Variants in C3orf20 observed in about 807,000 individuals in gnomAD.
The protein encoded by C3orf20 is uncharacterized protein C3orf20.
In C3orf20, 76 loss-of-function variants were observed where a neutral mutation model predicts 88.3. The ratio of observed to expected loss-of-function variants is 0.86; its 90% CI spans 0.72 to 1.04. The LOEUF (loss-of-function observed/expected upper bound fraction) is 1.04, where lower values mean the gene tolerates loss of function less well. Among genes scored for constraint, C3orf20 ranks in the 50% least tolerant of loss-of-function variants. The probability of loss-of-function intolerance (pLI) is 0.00; values close to 1 mark genes in which losing one functional copy is unlikely to be tolerated. For synonymous variants in C3orf20, 436 were observed against 437.4 expected (o/e 1.00, Z 0.04); for missense variants, 1,056 against 1,123.3 (o/e 0.94, Z 0.86).
chr3:14,676,114 G>A (rs868521933), intron 1 of C3orf20, among the ~76,000 whole-genome samples: 28 of 108,442 alleles, frequency 2.6e-4, no homozygotes, highest in African/African-American at 8.6e-4. Context: ...CCTCCCCCCC[G>A]CCTTTTTTTT....
intron 9 of C3orf20, among the ~76,000 whole-genome samples, chr3:14,718,449 T>C (rs1422626204): frequency 6.6e-6 from 1 of 152,258 alleles, no homozygotes; most frequent in Admixed American, 6.5e-5. Context: ...TTCTTACAAG[T>C]ACATTTTCCC....
intron 7 of C3orf20, among the ~76,000 whole-genome samples, chr3:14,705,101 A>G (rs971093541): frequency 1.3e-5 from 2 of 152,200 alleles, no homozygotes; most frequent in East Asian, 1.9e-4. Context: ...CAAATGCGCT[A>G]TCTCCTGGGC....
intron 4 of C3orf20, among the ~76,000 whole-genome samples, chr3:14,685,002 A>G (rs939922323): frequency 6.6e-6 from 1 of 152,264 alleles, no homozygotes; most frequent in Admixed American, 6.5e-5. Context: ...TGGGTGACAT[A>G]GTGAGACTGT....
At chr3:14,693,217 T>A (rs556419007) in intron 5 of C3orf20, among the ~76,000 whole-genome samples, 1 of 152,330 alleles carries the variant, frequency 6.6e-6, no homozygotes, top group African/African-American at 2.4e-5. Flanking sequence ...TCTTTTGTGG[T>A]TCCATATAAA....
chr3:14,707,952 T>C (rs2033588705), intron 7 of C3orf20, among the ~76,000 whole-genome samples: 1 of 151,632 alleles, frequency 6.6e-6, no homozygotes, highest in South Asian at 2.1e-4. Context: ...CCCGAGTAGC[T>C]GGGATTACAG....
intron 12 of C3orf20, among the ~76,000 whole-genome samples, chr3:14,731,635 T>C (rs545766193): frequency 6.6e-6 from 1 of 152,290 alleles, no homozygotes; most frequent in Non-Finnish European, 1.5e-5. Context: ...CCAAGCTTTT[T>C]AGTGGGTACT....
chr3:14,739,192 A>G (rs540278516), intron 12 of C3orf20, among the ~76,000 whole-genome samples: 1 of 152,302 alleles, frequency 6.6e-6, no homozygotes, highest in South Asian at 2.1e-4. Context: ...TACAGCATCT[A>G]TAGCTTTACA....
At chr3:14,738,423 G>T (rs1362230691) in intron 12 of C3orf20, among the ~76,000 whole-genome samples, 1 of 151,488 alleles carries the variant, frequency 6.6e-6, no homozygotes, top group East Asian at 1.9e-4. Context: ...CCACCTTCTG[G>T]GTTCATGCCA....
In C3orf20 at chr3:14,757,500, C is replaced by G. The variant is rs2035410175; in HGVS notation, c.2070C>G (p.Pro690=). 1.2e-6 allele frequency: 2 copies of G among 1,613,958 alleles called. No individual in the cohort carries two copies. Among genetic ancestry groups the G allele is most frequent in the South Asian group, 2.2e-5 (2 of 91,082 alleles). ...RAGCKCLVKA[P]LVSDVELERF... ...GCTGCAAGTGCCTGGTGAAGGCGCC[C>G]CTGGTCTCTGACGTGGAGCTGGAGC... is the stretch of plus-strand genomic sequence containing the variant. The change falls in exon 13 of 17, where the codon CCC becomes CCG. Residue 690 remains proline (P), a synonymous_variant. Transcript: ENST00000253697.
intron 3 of C3orf20, 90 bp downstream of exon 3, chr3:14,683,287 G>T: frequency 6.8e-7 from 1 of 1,473,038 alleles, no homozygotes; most frequent in Non-Finnish European, 9.0e-7. Flanking sequence ...GGCAACTGTG[G>T]GTCTGCTGTA....
intron 5 of C3orf20, among the ~76,000 whole-genome samples, chr3:14,700,984 G>A (rs2033238648): frequency 6.6e-6 from 1 of 152,218 alleles, no homozygotes; most frequent in South Asian, 2.1e-4. Context: ...TCTGGAAGGT[G>A]TCCAATGTTA....
At chr3:14,731,955 T>A (rs2034551233) in intron 12 of C3orf20, among the ~76,000 whole-genome samples, 1 of 152,254 alleles carries the variant, frequency 6.6e-6, no homozygotes, top group African/African-American at 2.4e-5. Context: ...CTGCTATAAA[T>A]ACTGTGAGCA....
chr3:14,766,733 G>T (rs527533599), intron 15 of C3orf20, among the ~76,000 whole-genome samples: 2 of 152,224 alleles, frequency 1.3e-5, no homozygotes, highest in Non-Finnish European at 2.9e-5. Context: ...GGCCCACCAG[G>T]CAGGGAGGGC....
chr3:14,726,374 C>G (rs1010553950), intron 10 of C3orf20, among the ~76,000 whole-genome samples: 4 of 152,202 alleles, frequency 2.6e-5, no homozygotes, highest in Admixed American at 2.6e-4. Flanking sequence ...GTTTTGACAG[C>G]TGGAGGGATG....
chr3:14,722,436 G>A (rs2034196345), intron 10 of C3orf20: 1 of 456,166 alleles, frequency 2.2e-6, no homozygotes, highest in Non-Finnish European at 4.4e-6. Context: ...AACCACCTGG[G>A]CAAAGGATAA....
chr3:14,763,782 T>C (rs1412260753), intron 15 of C3orf20, among the ~76,000 whole-genome samples: 1 of 152,022 alleles, frequency 6.6e-6, no homozygotes, highest in Non-Finnish European at 1.5e-5. Flanking sequence ...ATTAGAGGAG[T>C]CAGCACATGG....
In C3orf20 at chr3:14,761,509, G is replaced by A. The variant is rs1053163875; in HGVS notation, c.2389G>A (p.Val797Ile). Residue 797 changes from valine to isoleucine, a missense_variant, in exon 15 of 17, where the codon GTT becomes ATT. Transcript: ENST00000253697. ...GGGGAAGCTCATTTTTGGGGGCCGT[G>A]TTTTGAATGGATATGGCCTCAGCAA... ...AGGKLIFGGR[V>I]LNGYGLSKQN... is the part of the protein sequence containing the mutation. 10 of 1,613,968 alleles carry A rather than the reference G, an allele frequency of 6.2e-6. No homozygotes were observed. The highest frequency in any genetic ancestry group is 1.3e-5 in the African/African-American group (1 of 74,902).
chr3:14,708,237 G>A (rs1011295800), intron 7 of C3orf20, among the ~76,000 whole-genome samples: 3 of 152,148 alleles, frequency 2.0e-5, no homozygotes, highest in African/African-American at 7.2e-5. Flanking sequence ...CTTTGCATGT[G>A]GATAGCTAAT....
At chr3:14,730,253 A>G (rs943166102) in intron 12 of C3orf20, among the ~76,000 whole-genome samples, 1 of 152,328 alleles carries the variant, frequency 6.6e-6, no homozygotes, top group East Asian at 1.9e-4. Context: ...TTATTTTATA[A>G]TAATCGATTT....
Sources: allele counts gnomAD v4.1 joint callset (sites outside exome capture counted in the v4.1 genomes callset), GRCh38; gene constraint gnomAD v4.1.1; transcripts MANE v1.5; gene names NCBI Gene and HGNC (gene_info 2026-07-23, HGNC 2026-07-21).